Variants in TRIM49B observed in about 807,000 individuals in gnomAD.
TRIM49B encodes tripartite motif containing 49B.
Under a neutral mutation model 31.8 loss-of-function variants are expected in TRIM49B, and 18 were observed. The ratio of observed to expected loss-of-function variants is 0.57; its 90% CI spans 0.39 to 0.84. TRIM49B has a LOEUF of 0.84. Among genes scored for constraint, TRIM49B ranks in the 40% least tolerant of loss-of-function variants. The probability of loss-of-function intolerance (pLI) is 0.00; values close to 1 mark genes in which losing one functional copy is unlikely to be tolerated. For missense variants in TRIM49B, 494 were observed against 538.7 expected, an observed-to-expected ratio of 0.92 and a Z score of 0.82; for synonymous variants, 196 against 180.6, an observed-to-expected ratio of 1.09 and a Z score of -0.68.
At chr11:49,035,963 C>T (rs999330511) in intron 5 of TRIM49B, among the ~76,000 whole-genome samples, 1 of 143,654 alleles carries the variant, frequency 7.0e-6, no homozygotes, top group African/African-American at 2.6e-5. Context: ...TCAGTCTCCC[C>T]AGAACCCCGC....
chr11:49,037,497 T>C lies in TRIM49B; in HGVS notation c.879T>C (p.His293=), dbSNP rs1854547244. ...NQFRVHITLH[H]EEANSDIFLC... is the part of the protein sequence containing the mutation. ...TTGCAGTGCATATTACTCTGCATCA[T>C]GAAGAAGCCAACAGTGATATCTTTC... The change falls in exon 7 of 7, where the codon CAT becomes CAC. Residue 293 remains histidine, a synonymous_variant. Coordinates refer to ENST00000332682, the MANE Select transcript of TRIM49B (RefSeq NM_001206626.2). 2 of 1,613,994 alleles carry C rather than the reference T, an allele frequency of 1.2e-6. No homozygotes were observed. The highest frequency in any genetic ancestry group is 2.7e-5 in the African/African-American group (2 of 74,926).
In TRIM49B at chr11:49,037,605, T is replaced by C. The variant is rs749685110; in HGVS notation, c.987T>C (p.Leu329=). Residue 329 remains leucine, a synonymous_variant, in exon 7 of 7, where the codon CTT becomes CTC. Transcript: ENST00000332682. ...PYFTATPRSF[L]AWGAQTFTSG... ...TCACTGCAACACCTAGAAGTTTTCT[T>C]GCATGGGGTGCTCAGACTTTCACCT... is the stretch of plus-strand genomic sequence containing the variant. The C allele has an allele frequency of 3.1e-6, 5 of 1,613,998 alleles. No homozygotes were observed. In the African/African-American group the frequency reaches 6.7e-5, roughly 22 times the overall value.
chr11:49,032,070 A>G (rs1303668144), intron 2 of TRIM49B, 60 bp downstream of exon 2: 48 of 1,610,664 alleles, frequency 3.0e-5, no homozygotes, highest in Non-Finnish European at 4.0e-5. Context: ...CTGTGGGTCT[A>G]TTTTCTTGGA....
At chr11:49,032,487 G>GA (rs562032190) in intron 3 of TRIM49B, 116 bp downstream of exon 3, 48 of 1,324,306 alleles carry the variant, frequency 3.6e-5, no homozygotes, top group Middle Eastern at 5.1e-4. Flanking sequence ...AAAAAAAAAA[G>GA]AAAAAAAAAG....
chr11:49,033,452 T>A (rs1443929555), intron 3 of TRIM49B, among the ~76,000 whole-genome samples: 1 of 142,492 alleles, frequency 7.0e-6, no homozygotes, highest in Non-Finnish European at 1.5e-5. Context: ...TATGTATGTG[T>A]GTGTGGTTGT....
In TRIM49B at chr11:49,037,850, T is replaced by C. The variant is rs1316013554; in HGVS notation, c.1232T>C (p.Leu411Ser). Residue 411 changes from leucine to serine, a missense_variant, in exon 7 of 7, where the codon TTA becomes TCA. Physicochemically the swap from Leu to Ser is moderately radical, Grantham distance 145. This residue lies in a region of TRIM49B where 233 missense variants were observed against 281.4 expected (regional missense o/e 0.83). Coordinates refer to ENST00000332682, the MANE Select transcript of TRIM49B (RefSeq NM_001206626.2). The stretch of plus-strand genomic sequence containing the variant: ...CCAAGACCTACCAGCCGAGTAGGAT[T>C]ATTCCTGGATTGTGAGGCTAAGACT... ...YIPRPTSRVG[L>S]FLDCEAKTVS... 2 of 1,613,922 alleles carry C rather than the reference T, an allele frequency of 1.2e-6. No homozygotes were observed. The highest frequency in any genetic ancestry group is 1.7e-6 in the Non-Finnish European group (2 of 1,179,850).
At chr11:49,030,232 G>A (rs1220199828) in intron 1 of TRIM49B, among the ~76,000 whole-genome samples, 2 of 152,042 alleles carry the variant, frequency 1.3e-5, no homozygotes, top group East Asian at 3.9e-4. Context: ...AGGTACTTGG[G>A]AACCTGATGC....
intron 5 of TRIM49B, among the ~76,000 whole-genome samples, chr11:49,035,671 T>C (rs964200633): frequency 3.9e-5 from 6 of 152,140 alleles, no homozygotes; most frequent in Non-Finnish European, 8.8e-5. Context: ...GATTTTGTTT[T>C]ATTGCTTGAA....
chr11:49,029,379 G>A (rs910077175), intron 1 of TRIM49B, among the ~76,000 whole-genome samples: 14 of 152,146 alleles, frequency 9.2e-5, no homozygotes, highest in Admixed American at 6.5e-4. Context: ...AATTAGTAAG[G>A]TAATGATGAA....
At chr11:49,032,227 C>A in intron 2 of TRIM49B, 49 bp from the exon 3 acceptor site, 1 of 1,590,262 alleles carries the variant, frequency 6.3e-7, no homozygotes, top group South Asian at 1.1e-5. Flanking sequence ...TGGGGCCCCT[C>A]CCTATGTCAT....
intron 5 of TRIM49B, 115 bp downstream of exon 5, chr11:49,035,232 C>T: frequency 6.6e-7 from 1 of 1,509,872 alleles, no homozygotes; most frequent in Non-Finnish European, 8.9e-7. Context: ...ATATTGATAC[C>T]ACTTTTTTTT....
Position 49,038,103 on chromosome 11 carries a change from G to A in TRIM49B, c.*126G>A. On this transcript the variant is annotated 3_prime_UTR_variant, in exon 7 of 7. Transcript: ENST00000332682. ...TTTATATCTTGAATTGCCTTCTAAT[G>A]TTATCAAAACTCATTTATTGTGTTA... 6.5e-7 allele frequency: 1 copy of A among 1,535,758 alleles called. No homozygotes were observed. Among genetic ancestry groups the A allele is most frequent in the Non-Finnish European group, 8.7e-7 (1 of 1,148,138 alleles).
chr11:49,037,126 A>C (rs1854540987), intron 6 of TRIM49B, among the ~76,000 whole-genome samples: 1 of 152,216 alleles, frequency 6.6e-6, no homozygotes, highest in Non-Finnish European at 1.5e-5. Flanking sequence ...TCACATTCAC[A>C]TTCTTTCCAA....
rs181250645 is a variant in TRIM49B at position 49,037,481 on chromosome 11, A to C, written c.863A>C (p.His288Pro). 1.2e-5 allele frequency: 19 copies of C among 1,613,516 alleles called. No individual in the cohort carries two copies. The highest frequency in any genetic ancestry group is 1.1e-4 in the East Asian group (5 of 44,880). Reference sequence around the variant, plus strand: ...ATGTTTTCTCTTTTTTTTGCAGTGCATATTACTCTGCATCATGAAGAAGCC... The same window carrying C: ...ATGTTTTCTCTTTTTTTTGCAGTGCCTATTACTCTGCATCATGAAGAAGCC... ...LRDRLNQFRV[H>P]ITLHHEEANS... Residue 288 changes from histidine (H) to proline (P), a missense_variant, in exon 7 of 7, where the codon CAT becomes CCT. This residue lies in a region of TRIM49B where 233 missense variants were observed against 281.4 expected (regional missense o/e 0.83). Transcript: ENST00000332682.
Position 49,037,536 on chromosome 11 carries a change from G to A in TRIM49B, c.918G>A (p.Leu306=). The A allele has an allele frequency of 6.2e-7, 1 of 1,614,028 alleles. No individual in the cohort carries two copies. Residue 306 remains leucine, a synonymous_variant, in exon 7 of 7, where the codon TTG becomes TTA. Transcript: ENST00000332682. ...ANSDIFLCEI[L]RSMCIGCDHQ... ...GTGATATCTTTCTATGTGAAATTTT[G>A]AGAAGCATGTGTATTGGATGTGACC...
chr11:49,033,868 C>T lies in TRIM49B; in HGVS notation c.508-278C>T, dbSNP rs554439117. On this transcript the variant is annotated intron_variant, in intron 3 of 6. Transcript: ENST00000332682. The stretch of plus-strand genomic sequence containing the variant: ...TAAGCATGAACTCTTCTTACTTTTC[C>T]ATAAATATGGGTTGGAATAGCGAAA... Among the ~76,000 whole-genome samples, 3 of 152,270 alleles carry T rather than the reference C, an allele frequency of 2.0e-5. No individual in the cohort carries two copies. In the South Asian group the frequency reaches 6.2e-4, roughly 32 times the overall value.
intron 3 of TRIM49B, among the ~76,000 whole-genome samples, chr11:49,032,696 G>A (rs1413866249): frequency 6.6e-6 from 1 of 151,920 alleles, no homozygotes; most frequent in Non-Finnish European, 1.5e-5. Flanking sequence ...TAAATGTTAG[G>A]CAAAAGGGTT....
chr11:49,033,984 T>C (rs1854486857), intron 3 of TRIM49B, among the ~76,000 whole-genome samples, 162 bp from the exon 4 acceptor site: 1 of 152,186 alleles, frequency 6.6e-6, no homozygotes, highest in Non-Finnish European at 1.5e-5. Flanking sequence ...GCTATGTTGA[T>C]CTTTACGCAG....
rs1590633944 is a variant in TRIM49B, at chr11:49,031,580, T to G, written c.-4-16T>G. On this transcript the variant is annotated splice_polypyrimidine_tract_variant and intron_variant, in intron 1 of 6. Transcript: ENST00000332682. ...AACCCAGGCCCCAAAATGACATGTT[T>G]CTCTTTGTTCCTCAGAAACATGAAT... is the stretch of plus-strand genomic sequence containing the variant. The G allele has an allele frequency of 8.7e-6, 14 of 1,612,000 alleles. No homozygotes were observed. Among genetic ancestry groups the G allele is most frequent in the Non-Finnish European group, 1.2e-5 (14 of 1,179,466 alleles).
Sources: gnomAD v4.1 joint callset for allele counts (sites outside exome capture counted in the v4.1 genomes callset) on GRCh38, gnomAD v4.1.1 for gene constraint, gnomAD v4.1.1 regional missense constraint, MANE v1.5 for transcripts, NCBI Gene and HGNC (gene_info 2026-07-23, HGNC 2026-07-21) for gene names.